Variants in PDZRN4 observed in about 807,000 individuals in gnomAD.
PDZRN4 encodes PDZ domain-containing RING finger protein 4.
A neutral mutation model predicts 99.0 loss-of-function variants in PDZRN4; 70 were observed. That is an observed-to-expected ratio of 0.71 (90% CI 0.58 to 0.86). PDZRN4 has a LOEUF of 0.86. Ranked by LOEUF, PDZRN4 falls within the 40% of genes least tolerant of loss-of-function variation. PDZRN4 has a pLI of 0.00. For synonymous variants in PDZRN4, 551 were observed against 501.6 expected (o/e 1.10, Z -1.32); for missense variants, 1,474 against 1,331.2 (o/e 1.11, Z -1.67).
intron 5 of PDZRN4, among the ~76,000 whole-genome samples, chr12:41,550,322 C>T (rs1182484973): frequency 2.0e-5 from 3 of 152,062 alleles, no homozygotes; most frequent in African/African-American, 2.4e-5. Flanking sequence ...TTTAAAGGTC[C>T]CAATCTCAGC....
chr12:41,346,349 C>CTA (rs1322910539), intron 3 of PDZRN4, among the ~76,000 whole-genome samples: 1 of 148,088 alleles, frequency 6.8e-6, no homozygotes, highest in East Asian at 1.9e-4. Context: ...GTAGTCTCAG[C>CTA]TATTCGGGAG....
At chr12:41,219,796 G>T (rs532228307) in intron 3 of PDZRN4, among the ~76,000 whole-genome samples, 3 of 152,194 alleles carry the variant, frequency 2.0e-5, no homozygotes, top group East Asian at 3.9e-4. Context: ...GCTGTGTTAT[G>T]CATTCCACAA....
chr12:41,361,773 C>A (rs1476034343), intron 3 of PDZRN4, among the ~76,000 whole-genome samples: 1 of 151,986 alleles, frequency 6.6e-6, no homozygotes, highest in Admixed American at 6.6e-5. Flanking sequence ...GGGATCTGCA[C>A]AGCACATCAT....
At chr12:41,461,191 A>G (rs1476913567) in intron 3 of PDZRN4, among the ~76,000 whole-genome samples, 2 of 145,282 alleles carry the variant, frequency 1.4e-5, no homozygotes, top group Admixed American at 6.9e-5. Flanking sequence ...ATTGTGCTGC[A>G]TGAGTATTAC....
chr12:41,309,925 G>A (rs75638809), intron 3 of PDZRN4, among the ~76,000 whole-genome samples: 2,924 of 151,862 alleles, frequency 0.019, 44 homozygotes, highest in African/African-American at 0.04. Flanking sequence ...GAGAGACTTC[G>A]TCCTTTCTTT....
intron 8 of PDZRN4, among the ~76,000 whole-genome samples, chr12:41,567,152 G>T (rs1471685139): frequency 6.6e-6 from 1 of 152,096 alleles, no homozygotes; most frequent in African/African-American, 2.4e-5. Flanking sequence ...ATAAAATTGG[G>T]CCTGAAAACA....
At chr12:41,571,376 T>TCTCTCTCACA (rs1303597271) in intron 9 of PDZRN4, among the ~76,000 whole-genome samples, 57 of 65,586 alleles carry the variant, frequency 8.7e-4, no homozygotes, top group South Asian at 1.2e-3. Context: ...TCTCTCTCTC[T>TCTCTCTCACA]CACACACACA....
intron 3 of PDZRN4, among the ~76,000 whole-genome samples, chr12:41,356,553 T>C (rs951080937): frequency 6.6e-6 from 1 of 151,978 alleles, no homozygotes; most frequent in Non-Finnish European, 1.5e-5. Flanking sequence ...CAACCTGTAT[T>C]GTATGTTGTT....
chr12:41,363,619 A>G, intron 3 of PDZRN4, among the ~76,000 whole-genome samples: 1 of 103,654 alleles, frequency 9.6e-6, no homozygotes, highest in African/African-American at 3.3e-5. Flanking sequence ...ATTTATTCAG[A>G]TTTCATTTGT....
At chr12:41,438,034 C>G in intron 3 of PDZRN4, 9 of 1,612,166 alleles carry the variant, frequency 5.6e-6, no homozygotes, top group Non-Finnish European at 7.6e-6. Context: ...GGTCTGATAC[C>G]AGCAACTAAG....
intron 3 of PDZRN4, among the ~76,000 whole-genome samples, chr12:41,357,345 A>G (rs1015535201): frequency 2.6e-5 from 4 of 152,026 alleles, no homozygotes; most frequent in African/African-American, 9.7e-5. Context: ...AGTTTATACT[A>G]CTATATACAT....
Position 41,496,976 on chromosome 12 carries a change from T to C in PDZRN4, c.844-9480T>C, listed in dbSNP as rs11180960. 1.6e-3 allele frequency among the ~76,000 whole-genome samples: 245 copies of C among 152,244 alleles called. 5 individuals are homozygous for C. The East Asian group carries it at 0.046, about 29-fold the overall frequency. On this transcript the variant is annotated intron_variant, in intron 3 of 9. Coordinates refer to ENST00000402685, the MANE Select transcript of PDZRN4 (RefSeq NM_001164595.2). The stretch of plus-strand genomic sequence containing the variant: ...CCTCTGGTGAAGATACTTTACCATC[T>C]TCTTTCCCGTTATGACAGACGCCCT...
At chr12:41,347,245 A>G (rs1291602810) in intron 3 of PDZRN4, among the ~76,000 whole-genome samples, 1 of 152,126 alleles carries the variant, frequency 6.6e-6, no homozygotes, top group Non-Finnish European at 1.5e-5. Context: ...TCACAGCTCC[A>G]TCATTTTACA....
chr12:41,319,271 C>G (rs181419690), intron 3 of PDZRN4, among the ~76,000 whole-genome samples: 1 of 152,074 alleles, frequency 6.6e-6, no homozygotes, highest in Admixed American at 6.6e-5. Context: ...TGATGCACCC[C>G]GAAAACTGAC....
intron 3 of PDZRN4, among the ~76,000 whole-genome samples, chr12:41,446,803 A>G (rs1026988963): frequency 2.4e-4 from 36 of 148,454 alleles, no homozygotes; most frequent in African/African-American, 8.7e-4. Flanking sequence ...TGGAACAGCC[A>G]GACAGTGGAT....
intron 3 of PDZRN4, among the ~76,000 whole-genome samples, chr12:41,322,508 T>TTTTG (rs1951686417): frequency 7.5e-6 from 1 of 132,926 alleles, no homozygotes; most frequent in Non-Finnish European, 1.7e-5. Flanking sequence ...TTTTTTTTTT[T>TTTTG]GAGACAGAGT....
At chr12:41,495,555 A>G (rs1937983409) in intron 3 of PDZRN4, among the ~76,000 whole-genome samples, 1 of 152,098 alleles carries the variant, frequency 6.6e-6, no homozygotes, top group East Asian at 1.9e-4. Context: ...TCTTGACTCA[A>G]GTACCCATCA....
At position 41,277,718 on chromosome 12, in the gene PDZRN4, CT is replaced by C. The variant is rs1353784040; in HGVS notation, c.843+83531del. 8.6e-5 allele frequency among the ~76,000 whole-genome samples: 13 copies of C among 151,488 alleles called. No individual in the cohort carries two copies. In the East Asian group the frequency reaches 1.9e-3, roughly 23 times the overall value. On this transcript the variant is annotated intron_variant, in intron 3 of 9. Transcript: ENST00000402685. ...CAACTGAAATAAGGTTGGTGAACAG[CT>C]CTTGTTGCAACGATTGAAGAGACTC...
At chr12:41,254,638 A>C (rs1226577557) in intron 3 of PDZRN4, among the ~76,000 whole-genome samples, 1 of 152,248 alleles carries the variant, frequency 6.6e-6, no homozygotes, top group African/African-American at 2.4e-5. Flanking sequence ...ATGGGAGACA[A>C]GACAGATCCT....
Sources: gnomAD v4.1 joint callset for allele counts (sites outside exome capture counted in the v4.1 genomes callset) on GRCh38, gnomAD v4.1.1 for gene constraint, MANE v1.5 for transcripts, NCBI Gene and HGNC (gene_info 2026-07-23, HGNC 2026-07-21) for gene names.